The following IGF1 variants were observed in gnomAD, a reference collection of about 807,000 sequenced individuals.
The protein encoded by IGF1 is insulin like growth factor 1, also known as insulin-like growth factor 1.
In IGF1, 4 loss-of-function variants were observed where a neutral mutation model predicts 13.8. The ratio of observed to expected loss-of-function variants is 0.29; its 90% CI spans 0.14 to 0.66. The LOEUF (loss-of-function observed/expected upper bound fraction) is 0.66. Among genes scored for constraint, IGF1 ranks in the 30% least tolerant of loss-of-function variants. The probability of loss-of-function intolerance (pLI) is 0.78; values close to 1 mark genes in which losing one functional copy is unlikely to be tolerated. For synonymous variants in IGF1, 76 were observed against 72.6 expected, an observed-to-expected ratio of 1.05 and a Z score of -0.23; for missense variants, 124 against 188.5, an observed-to-expected ratio of 0.66 and a Z score of 2.00.
intron 2 of IGF1, among the ~76,000 whole-genome samples, chr12:102,446,219 G>C (rs1018661695): frequency 5.9e-5 from 9 of 152,158 alleles, no homozygotes; most frequent in African/African-American, 1.7e-4. Flanking sequence ...TATGGTGTCA[G>C]GATGATGCTG....
At chr12:102,410,160 A>G (rs1173801594) in intron 3 of IGF1, among the ~76,000 whole-genome samples, 3 of 152,174 alleles carry the variant, frequency 2.0e-5, no homozygotes, top group Admixed American at 6.5e-5. Context: ...CCTGTGATGT[A>G]AAAAATCTCT....
chr12:102,459,938 A>T (rs1329159590), intron 2 of IGF1, among the ~76,000 whole-genome samples: 2 of 152,230 alleles, frequency 1.3e-5, no homozygotes, highest in African/African-American at 4.8e-5. Flanking sequence ...AGACAAGCGT[A>T]TAGTTAATAT....
At chr12:102,424,727 G>A (rs1238517724) in intron 2 of IGF1, among the ~76,000 whole-genome samples, 1 of 152,078 alleles carries the variant, frequency 6.6e-6, no homozygotes, top group Non-Finnish European at 1.5e-5. Flanking sequence ...ATCTCTGATG[G>A]CTTTATAAGG....
Position 102,400,048 on chromosome 12 carries a change from T to G in IGF1, c.*2459A>C, listed in dbSNP as rs1189652710. ...AATTCAAATAATGTTGGACTGAGAG[T>G]TAAAATACTTGTTGACTGAACAGGA... On this transcript the variant is annotated 3_prime_UTR_variant, in exon 4 of 4. Coordinates refer to ENST00000337514, the MANE Select transcript of IGF1 (RefSeq NM_000618.5). The G allele has an allele frequency of 6.6e-6, 1 of 152,012 alleles. No homozygotes were observed. Among genetic ancestry groups the G allele is most frequent in the Non-Finnish European group, 1.5e-5 (1 of 67,980 alleles). The allele number at this position is 152,012 out of a possible 1,614,324, so 9.4% of individuals were successfully genotyped here. A position where few individuals can be genotyped will look rare whatever the true frequency, so the allele number is the denominator to read the frequency against.
intron 2 of IGF1, among the ~76,000 whole-genome samples, chr12:102,433,476 A>C (rs1289527248): frequency 6.6e-6 from 1 of 152,216 alleles, no homozygotes; most frequent in African/African-American, 2.4e-5. Flanking sequence ...TCAGGCCCCC[A>C]TGAGAATTCT....
chr12:102,460,528 T>C (rs551854295), intron 2 of IGF1, among the ~76,000 whole-genome samples: 1 of 152,206 alleles, frequency 6.6e-6, no homozygotes, highest in African/African-American at 2.4e-5. Flanking sequence ...GCCCAGCTGA[T>C]GATTCTACAA....
intron 1 of IGF1, among the ~76,000 whole-genome samples, chr12:102,479,307 C>T (rs887867519): frequency 3.3e-5 from 5 of 152,162 alleles, no homozygotes; most frequent in Non-Finnish European, 5.9e-5. Flanking sequence ...AAAGCAGCAA[C>T]TGAATGCTGC....
At chr12:102,407,230 C>A (rs1375801157) in intron 3 of IGF1, among the ~76,000 whole-genome samples, 1 of 150,244 alleles carries the variant, frequency 6.7e-6, no homozygotes, top group Non-Finnish European at 1.5e-5. Context: ...TGAATCCTTA[C>A]AATCACCACA....
At chr12:102,448,386 G>C (rs2137132239) in intron 2 of IGF1, among the ~76,000 whole-genome samples, 2 of 149,692 alleles carry the variant, frequency 1.3e-5, no homozygotes, top group African/African-American at 4.9e-5. Context: ...CATGTCCTTT[G>C]TAGGGACATG....
chr12:102,471,119 G>A (rs930664335), intron 2 of IGF1, among the ~76,000 whole-genome samples: 6 of 152,126 alleles, frequency 3.9e-5, no homozygotes, highest in African/African-American at 1.2e-4. Context: ...AAAACAAAAC[G>A]AAGAATCTGG....
At chr12:102,465,022 T>C (rs1433963525) in intron 2 of IGF1, among the ~76,000 whole-genome samples, 1 of 152,190 alleles carries the variant, frequency 6.6e-6, no homozygotes, top group Non-Finnish European at 1.5e-5. Context: ...TTGCTGCTTC[T>C]TCCAATGAGA....
chr12:102,471,046 C>A (rs542573579), intron 2 of IGF1, among the ~76,000 whole-genome samples: 1 of 152,290 alleles, frequency 6.6e-6, no homozygotes, highest in South Asian at 2.1e-4. Context: ...AAAAGACCTG[C>A]ATGTATTTGG....
chr12:102,466,346 C>T (rs985576890), intron 2 of IGF1, among the ~76,000 whole-genome samples: 4 of 152,244 alleles, frequency 2.6e-5, no homozygotes, highest in Non-Finnish European at 4.4e-5. Context: ...CTAGGAATCT[C>T]GACTCGGGGG....
At position 102,475,752 on chromosome 12, in the gene IGF1, C is replaced by A; in HGVS notation, c.111G>T (p.Leu37=). The A allele has an allele frequency of 6.2e-7, 1 of 1,614,196 alleles. No homozygotes were observed. Among genetic ancestry groups the A allele is most frequent in the Non-Finnish European group, 8.5e-7 (1 of 1,180,038 alleles). The change falls in exon 2 of 4, where the codon CTG becomes CTT. Residue 37 remains leucine (L), a synonymous_variant. Coordinates refer to ENST00000337514, the MANE Select transcript of IGF1 (RefSeq NM_000618.5). The part of the protein sequence containing the change: ...MSSSHLFYLA[L]CLLTFTSSAT... Reference sequence around the variant, plus strand: ...CAGAGCTGGTGAAGGTGAGCAGGCACAGCGCCAGGTAGAAGAGATGCGAGG... The same window carrying A: ...CAGAGCTGGTGAAGGTGAGCAGGCAAAGCGCCAGGTAGAAGAGATGCGAGG...
At chr12:102,434,227 C>T (rs1444101723) in intron 2 of IGF1, among the ~76,000 whole-genome samples, 1 of 148,718 alleles carries the variant, frequency 6.7e-6, no homozygotes, top group Non-Finnish European at 1.5e-5. Flanking sequence ...TATACATGTG[C>T]CATGCTGGTG....
In IGF1 at chr12:102,480,480, T is replaced by C. The variant is rs746285670; in HGVS notation, c.-99A>G. ...GGGAGATGTTGAGAGCAATGTCACA[T>C]TTCAATTTTGAGGACTTTATTCCAT... On this transcript the variant is annotated 5_prime_UTR_variant, in exon 1 of 4. It removes an upstream start codon present in the reference 5' UTR. Coordinates refer to ENST00000337514, the MANE Select transcript of IGF1 (RefSeq NM_000618.5). 6.9e-6 allele frequency: 11 copies of C among 1,589,568 alleles called. No homozygotes were observed. Among genetic ancestry groups the C allele is most frequent in the Non-Finnish European group, 8.6e-6 (10 of 1,168,326 alleles).
intron 2 of IGF1, among the ~76,000 whole-genome samples, chr12:102,420,788 G>C (rs763815918): frequency 7.9e-5 from 12 of 152,224 alleles, no homozygotes; most frequent in Middle Eastern, 3.4e-3. Context: ...TATCTCTCCT[G>C]GTCTTCTCCA....
At chr12:102,439,718 G>GAA (rs5800511) in intron 2 of IGF1, among the ~76,000 whole-genome samples, 1,482 of 138,468 alleles carry the variant, frequency 0.011, 25 homozygotes, top group African/African-American at 0.033. Context: ...CTAGGAGAAG[G>GAA]AAAAAAAAAA....
chr12:102,421,560 AT>A (rs1423912737), intron 2 of IGF1, among the ~76,000 whole-genome samples: 1 of 152,088 alleles, frequency 6.6e-6, no homozygotes, highest in Middle Eastern at 3.2e-3. Flanking sequence ...TTTTGTGATC[AT>A]TGTATCTTTT....
Sources: gnomAD v4.1 joint callset for allele counts (sites outside exome capture counted in the v4.1 genomes callset) on GRCh38, gnomAD v4.1.1 for gene constraint, MANE v1.5 for transcripts, NCBI Gene and HGNC (gene_info 2026-07-23, HGNC 2026-07-21) for gene names.